FAP: variants seen among roughly 807,000 people sequenced by gnomAD.
FAP encodes fibroblast activation protein alpha.
A neutral mutation model predicts 126.5 loss-of-function variants in FAP; 110 were observed. The observed-to-expected ratio is 0.87, with a 90% CI of 0.74 to 1.02. The LOEUF is 1.02. Among genes scored for constraint, FAP ranks in the 50% least tolerant of loss-of-function variants. The pLI is 0.00. For synonymous variants in FAP, 334 were observed against 297.3 expected (o/e 1.12, Z -1.27); for missense variants, 919 against 909.2 (o/e 1.01, Z -0.14).
chr2:162,206,632 A>T (rs1688707437), intron 12 of FAP, among the ~76,000 whole-genome samples: 1 of 152,228 alleles, frequency 6.6e-6, no homozygotes, highest in Non-Finnish European at 1.5e-5. Context: ...TGATGCCTTC[A>T]GTGCTTGTTC....
intron 16 of FAP, chr2:162,198,309 G>A: frequency 4.7e-6 from 6 of 1,289,068 alleles, no homozygotes; most frequent in Non-Finnish European, 5.1e-6. Context: ...CTGGATGTGA[G>A]AGTTTGATAT....
chr2:162,198,935 A>G, intron 15 of FAP, 54 bp from the exon 16 acceptor site: 1 of 1,507,076 alleles, frequency 6.6e-7, no homozygotes, highest in Non-Finnish European at 9.2e-7. Flanking sequence ...GTATTTATCA[A>G]AATGTACTAC....
chr2:162,193,044 A>G (rs910571300), intron 17 of FAP, among the ~76,000 whole-genome samples: 1 of 152,140 alleles, frequency 6.6e-6, no homozygotes, highest in Admixed American at 6.6e-5. Context: ...ACATCGTCTA[A>G]CCCAGTATCT....
intron 9 of FAP, 82 bp downstream of exon 9, chr2:162,217,904 T>C: frequency 9.0e-7 from 1 of 1,106,500 alleles, no homozygotes; most frequent in Non-Finnish European, 1.3e-6. Context: ...CCAAACTTGT[T>C]GATCCCACCT....
chr2:162,241,560 G>A (rs1396750748), intron 2 of FAP, among the ~76,000 whole-genome samples: 1 of 152,088 alleles, frequency 6.6e-6, no homozygotes, highest in Non-Finnish European at 1.5e-5. Context: ...ATTTCTGAGG[G>A]TGCAGAGTAT....
chr2:162,177,458 C>A (rs777313029), intron 21 of FAP, among the ~76,000 whole-genome samples: 3 of 152,028 alleles, frequency 2.0e-5, no homozygotes, highest in Admixed American at 6.6e-5. Flanking sequence ...GCTCTCTTGA[C>A]GTTCTTTGAA....
chr2:162,238,651 T>C (rs1330783351), intron 2 of FAP, among the ~76,000 whole-genome samples: 1 of 152,210 alleles, frequency 6.6e-6, no homozygotes, highest in Non-Finnish European at 1.5e-5. Flanking sequence ...AAAAATAAGC[T>C]TAAAACTCTT....
intron 21 of FAP, among the ~76,000 whole-genome samples, chr2:162,179,909 A>C (rs1416413906): frequency 1.3e-5 from 2 of 151,574 alleles, no homozygotes; most frequent in African/African-American, 4.9e-5. Context: ...CCCGGGTTCA[A>C]GCAATTCTCC....
At position 162,188,360 on chromosome 2, in the gene FAP, AT is replaced by A; in HGVS notation, c.1622del (p.Tyr541LeufsTer9). 1 of 1,610,952 alleles carries A rather than the reference AT, an allele frequency of 6.2e-7. No individual in the cohort carries two copies. ...TTACACTCTGACTGCAGGGACCACC[AT>A]ACCTAAAGGAAAAACAAAAAAAACA... is the stretch of plus-strand genomic sequence containing the variant. The part of the protein sequence containing the change: ...SKKYPLLIQV[Y>X]GGPCSQSVRS... On this transcript the variant is annotated frameshift_variant and splice_region_variant, in exon 20 of 26. Coordinates refer to ENST00000188790, the MANE Select transcript of FAP (RefSeq NM_004460.5). LOFTEE classifies it high-confidence loss of function.
chr2:162,179,477 G>A (rs1481895514), intron 21 of FAP, among the ~76,000 whole-genome samples: 1 of 151,974 alleles, frequency 6.6e-6, no homozygotes, highest in Non-Finnish European at 1.5e-5. Context: ...TTCTAGCTTT[G>A]GGCTCAGAAA....
chr2:162,223,035 G>A (rs1057439731), intron 6 of FAP, among the ~76,000 whole-genome samples: 20 of 150,944 alleles, frequency 1.3e-4, no homozygotes, highest in Non-Finnish European at 2.5e-4. Flanking sequence ...CAGTTTATAT[G>A]TATATATATA....
At chr2:162,198,705 A>G (rs1559772424) in intron 16 of FAP, 52 bp downstream of exon 16, 4 of 1,604,922 alleles carry the variant, frequency 2.5e-6, no homozygotes, top group Non-Finnish European at 2.6e-6. Flanking sequence ...GGTGAGGAGG[A>G]TGACAACCAT....
rs975957558 is a variant in FAP at position 162,170,982 on chromosome 2, G to A, written c.2280C>T (p.Asp760=). The change falls in exon 26 of 26, where the codon GAC becomes GAT. Residue 760 remains aspartate, a synonymous_variant. Transcript: ENST00000188790. Reference sequence around the variant, plus strand: ...CAGGCTTGCATCTGCATCGTTTTTAGTCTGACAAAGAGAAACACTGCTTTA... The same window carrying A: ...CAGGCTTGCATCTGCATCGTTTTTAATCTGACAAAGAGAAACACTGCTTTA... ...HFLKQCFSLS[D] 6.2e-7 allele frequency: 1 copy of A among 1,612,006 alleles called. No homozygotes were observed. The highest frequency in any genetic ancestry group is 1.3e-5 in the African/African-American group (1 of 74,820).
At chr2:162,179,634 G>A (rs1576134769) in intron 21 of FAP, among the ~76,000 whole-genome samples, 1 of 152,032 alleles carries the variant, frequency 6.6e-6, no homozygotes, top group African/African-American at 2.4e-5. Flanking sequence ...TATGTAAGTT[G>A]AATCTTAAAG....
intron 6 of FAP, among the ~76,000 whole-genome samples, chr2:162,221,282 G>A (rs1689384159): frequency 6.6e-6 from 1 of 152,126 alleles, no homozygotes; most frequent in African/African-American, 2.4e-5. Context: ...GCTCACGCCA[G>A]TAATCCCAGC....
chr2:162,183,354 C>T (rs1687755224), intron 21 of FAP, 60 bp downstream of exon 21: 5 of 1,251,002 alleles, frequency 4.0e-6, no homozygotes, highest in African/African-American at 1.5e-5. Flanking sequence ...TAAACGAACA[C>T]TTCAGAAAAT....
At position 162,188,378 on chromosome 2, in the gene FAP, A is replaced by T. The variant is rs970149654; in HGVS notation, c.1620-15T>A. ...GACCACCATACCTAAAGGAAAAACA[A>T]AAAAAACAAGAATCTTTGATTGCTT... On this transcript the variant is annotated splice_polypyrimidine_tract_variant and intron_variant, in intron 19 of 25. Transcript: ENST00000188790. The T allele has an allele frequency of 6.9e-6, 11 of 1,605,098 alleles. No homozygotes were observed. The African/African-American group carries it at 1.5e-4, about 22-fold the overall frequency.
At chr2:162,195,787 G>A (rs1185442297) in intron 16 of FAP, among the ~76,000 whole-genome samples, 3 of 152,078 alleles carry the variant, frequency 2.0e-5, no homozygotes, top group Non-Finnish European at 4.4e-5. Flanking sequence ...TACCTTTTAA[G>A]CATAAATTTG....
At chr2:162,216,024 T>C (rs1319917038) in intron 9 of FAP, 23 bp from the exon 10 acceptor site, 1 of 1,544,230 alleles carries the variant, frequency 6.5e-7, no homozygotes, top group Non-Finnish European at 8.9e-7. Context: ...TTGAGATATA[T>C]AAGCTCATAA....
Sources: allele counts gnomAD v4.1 joint callset (sites outside exome capture counted in the v4.1 genomes callset), GRCh38; gene constraint gnomAD v4.1.1; transcripts MANE v1.5; gene names NCBI Gene and HGNC (gene_info 2026-07-23, HGNC 2026-07-21).